Variants in REXO1 observed in about 807,000 individuals in gnomAD.
The protein encoded by REXO1 is REX1, RNA exonuclease 1 homolog.
Under a neutral mutation model 102.6 loss-of-function variants are expected in REXO1, and 42 were observed. The ratio of observed to expected loss-of-function variants is 0.41; its 90% confidence interval spans 0.32 to 0.53. REXO1 has a LOEUF of 0.53. Ranked by LOEUF, REXO1 falls within the 20% of genes least tolerant of loss-of-function variation. The probability of loss-of-function intolerance (pLI) is 0.27; values close to 1 mark genes in which losing one functional copy is unlikely to be tolerated. For synonymous variants in REXO1, 908 were observed against 779.1 expected (o/e 1.17, Z -2.76); for missense variants, 1,819 against 1,732.5 (o/e 1.05, Z -0.89).
intron 1 of REXO1, among the ~76,000 whole-genome samples, chr19:1,835,267 G>A (rs1382117829): frequency 6.6e-6 from 1 of 152,226 alleles, no homozygotes; most frequent in Non-Finnish European, 1.5e-5. Flanking sequence ...GTTTGGGCCA[G>A]GCGTGGTGGC....
intron 4 of REXO1, chr19:1,821,978 T>C: frequency 1.9e-6 from 1 of 539,710 alleles, no homozygotes. Context: ...GGCGTCGATG[T>C]CTGAGGGAAA....
intron 1 of REXO1, among the ~76,000 whole-genome samples, chr19:1,847,517 C>T (rs2011600046): frequency 1.3e-5 from 2 of 152,162 alleles, no homozygotes; most frequent in East Asian, 3.9e-4. Flanking sequence ...TCTTTTTCTC[C>T]AATCCAAATC....
chr19:1,844,147 C>A (rs1218984685), intron 1 of REXO1, among the ~76,000 whole-genome samples: 1 of 152,218 alleles, frequency 6.6e-6, no homozygotes, highest in Non-Finnish European at 1.5e-5. Context: ...CCCACAGAGG[C>A]TGGCAGCAAA....
rs536162208 is a variant in REXO1, at chr19:1,828,418, G to A, written c.371C>T (p.Ala124Val). Reference protein sequence around the residue: ...ETTREHRSAEAPALAPRGPNA... With the variant: ...ETTREHRSAEVPALAPRGPNA... Reference sequence around the variant, plus strand: ...GGGGCCGCGGGGCGCCAGGGCGGGGGCCTCGGCGGAGCGGTGCTCACGGGT... The same window carrying A: ...GGGGCCGCGGGGCGCCAGGGCGGGGACCTCGGCGGAGCGGTGCTCACGGGT... The change falls in exon 2 of 16, where the codon GCC becomes GTC. Residue 124 changes from alanine (A) to valine (V), a missense_variant. Coordinates refer to ENST00000170168, the MANE Select transcript of REXO1 (RefSeq NM_020695.4). 37 of 1,608,078 alleles carry A rather than the reference G, an allele frequency of 2.3e-5. No individual in the cohort carries two copies. Among genetic ancestry groups the A allele is most frequent in the Non-Finnish European group, 2.9e-5 (34 of 1,177,826 alleles).
At position 1,815,915 on chromosome 19, in the gene REXO1, G is replaced by A; in HGVS notation, c.*151C>T. The A allele has an allele frequency of 6.5e-7, 1 of 1,534,058 alleles. No individual in the cohort carries two copies. The highest frequency in any genetic ancestry group is 2.4e-5 in the East Asian group (1 of 40,862). On this transcript the variant is annotated 3_prime_UTR_variant, in exon 16 of 16. Coordinates refer to ENST00000170168, the MANE Select transcript of REXO1 (RefSeq NM_020695.4). This position sits in a 1 kb window ranked among gnomAD's most constrained non-coding sequence, Gnocchi z 4.0. ...GACGTGAGCGGGGGTGGGCTGGGCT[G>A]GGCGTTCTCTGGCCGCCAGCTCATC...
chr19:1,835,790 G>C (rs1057413988), intron 1 of REXO1, among the ~76,000 whole-genome samples: 3 of 152,102 alleles, frequency 2.0e-5, no homozygotes, highest in African/African-American at 7.2e-5. Context: ...CCCAAGGCCA[G>C]GACTGGGAGG....
rs945065193 is a variant in REXO1, at chr19:1,818,520, T to C, written c.2978A>G (p.Glu993Gly). The C allele has an allele frequency of 6.2e-7, 1 of 1,611,530 alleles. No homozygotes were observed. Among genetic ancestry groups the C allele is most frequent in the South Asian group, 1.1e-5 (1 of 90,798 alleles). The change falls in exon 10 of 16, where the codon GAG becomes GGG. Residue 993 changes from glutamate (E) to glycine (G), a missense_variant. Transcript: ENST00000170168. ...SSSGRCIRDE[E>G]CYYHWGRLRR... Reference sequence around the variant, plus strand: ...CAGCCGTCCCCAGTGGTAATAACACTCCTCGTCCCGGATGCAGCGGCCTGA... The same window carrying C: ...CAGCCGTCCCCAGTGGTAATAACACCCCTCGTCCCGGATGCAGCGGCCTGA...
chr19:1,844,986 C>A (rs926196333), intron 1 of REXO1, among the ~76,000 whole-genome samples: 3 of 152,164 alleles, frequency 2.0e-5, no homozygotes, highest in Non-Finnish European at 4.4e-5. Context: ...CTGCAATCCT[C>A]CCCGGAAGGG....
rs556720498 is a variant in REXO1, at chr19:1,846,519, C to T, written c.157+1683G>A. 5.4e-4 allele frequency among the ~76,000 whole-genome samples: 83 copies of T among 152,314 alleles called. 1 individual carries two copies. The South Asian group carries it at 0.017, about 31-fold the overall frequency. ...TAGGAACGGGGGGCAGACAGGAAGACGACATCACCAAAGGGACCCTCAAAA... is the reference window on the plus strand; with the variant it reads ...TAGGAACGGGGGGCAGACAGGAAGATGACATCACCAAAGGGACCCTCAAAA... On this transcript the variant is annotated intron_variant, in intron 1 of 15. Coordinates refer to ENST00000170168, the MANE Select transcript of REXO1 (RefSeq NM_020695.4).
At position 1,836,381 on chromosome 19, in the gene REXO1, G is replaced by A. The variant is rs530035586; in HGVS notation, c.158-7750C>T. 1.3e-3 allele frequency among the ~76,000 whole-genome samples: 199 copies of A among 152,224 alleles called. 1 individual carries two copies. The highest frequency in any genetic ancestry group is 4.1e-3 in the African/African-American group (169 of 41,536). On this transcript the variant is annotated intron_variant, in intron 1 of 15. Coordinates refer to ENST00000170168, the MANE Select transcript of REXO1 (RefSeq NM_020695.4). ...AGGACACCCAGTGCCAGCGAGAGCCGGCAGCTCCTAGCCCCACAAGGAGCC... is the reference window on the plus strand; with the variant it reads ...AGGACACCCAGTGCCAGCGAGAGCCAGCAGCTCCTAGCCCCACAAGGAGCC...
chr19:1,847,283 G>T (rs1260922728), intron 1 of REXO1, among the ~76,000 whole-genome samples: 1 of 152,182 alleles, frequency 6.6e-6, no homozygotes, highest in Non-Finnish European at 1.5e-5. Context: ...TTAAATCCTA[G>T]AGAAGATGTT....
At chr19:1,831,869 A>G (rs1256760768) in intron 1 of REXO1, among the ~76,000 whole-genome samples, 1 of 50,840 alleles carries the variant, frequency 2.0e-5, no homozygotes, top group African/African-American at 4.2e-5. Context: ...AAAAAAAAAG[A>G]AAGAAAAAGA....
At chr19:1,831,617 C>G (rs961396703) in intron 1 of REXO1, among the ~76,000 whole-genome samples, 4 of 151,374 alleles carry the variant, frequency 2.6e-5, no homozygotes, top group African/African-American at 2.4e-5. Flanking sequence ...CTGAGGCGGG[C>G]GGATCACCTG....
At chr19:1,841,508 C>T (rs377643458) in intron 1 of REXO1, among the ~76,000 whole-genome samples, 1 of 152,190 alleles carries the variant, frequency 6.6e-6, no homozygotes, top group Non-Finnish European at 1.5e-5. Context: ...TCGCAGAGGC[C>T]GAGGGAGGTT....
chr19:1,818,710 C>G lies in REXO1; in HGVS notation c.2898G>C (p.Lys966Asn), dbSNP rs374242884. 3 of 1,611,026 alleles carry G rather than the reference C, an allele frequency of 1.9e-6. No homozygotes were observed. Among genetic ancestry groups the G allele is most frequent in the Non-Finnish European group, 2.5e-6 (3 of 1,179,882 alleles). ...IIFTAEEKRPKDSSCRTCCRC... is the reference protein window; with the variant it reads ...IIFTAEEKRPNDSSCRTCCRC... Reference sequence around the variant, plus strand: ...CGTCGCAGGCCAGCGACTCACAGTCCTTGGGCCTCTTCTCCTCAGCTGTGA... The same window carrying G: ...CGTCGCAGGCCAGCGACTCACAGTCGTTGGGCCTCTTCTCCTCAGCTGTGA... Residue 966 changes from lysine (K) to asparagine (N), a missense_variant, in exon 9 of 16, where the codon AAG (lysine) becomes AAC (asparagine). Physicochemically the swap from Lys to Asn is moderately conservative, Grantham distance 94. Coordinates refer to ENST00000170168, the MANE Select transcript of REXO1 (RefSeq NM_020695.4).
rs1372839690 is a variant in REXO1, at chr19:1,827,285, C to CGTCTAG, written c.1498_1503dup (p.Leu500_Asp501dup). 6.4e-7 allele frequency: 1 copy of CGTCTAG among 1,563,932 alleles called. No homozygotes were observed. The highest frequency in any genetic ancestry group is 8.6e-7 in the Non-Finnish European group (1 of 1,161,612). ...TTGGGGGCGTCCTGGGAGGCGCCCT[C>CGTCTAG]GTCTAGTGAGCGGGCTTTCCGCTCC... On this transcript the variant is annotated inframe_insertion, in exon 2 of 16. Coordinates refer to ENST00000170168, the MANE Select transcript of REXO1 (RefSeq NM_020695.4).
In REXO1 at chr19:1,816,010, C is replaced by T; in HGVS notation, c.*56G>A. The T allele has an allele frequency of 6.5e-7, 1 of 1,538,010 alleles. No homozygotes were observed. Among genetic ancestry groups the T allele is most frequent in the Non-Finnish European group, 8.7e-7 (1 of 1,147,022 alleles). ...ATTTATTGCACTGTTTTGGAAGAGG[C>T]ATGGGGCTAAGGACCAGCGGGACGG... On this transcript the variant is annotated 3_prime_UTR_variant, in exon 16 of 16. Coordinates refer to ENST00000170168, the MANE Select transcript of REXO1 (RefSeq NM_020695.4).
intron 1 of REXO1, among the ~76,000 whole-genome samples, chr19:1,836,743 C>CAAAAA (rs1185957602): frequency 1.5e-5 from 1 of 64,592 alleles, no homozygotes; most frequent in African/African-American, 6.8e-5. Flanking sequence ...AAGACTGTCT[C>CAAAAA]AAAAAAAAAA....
intron 1 of REXO1, among the ~76,000 whole-genome samples, chr19:1,836,321 T>C (rs896063911): frequency 6.6e-6 from 1 of 152,096 alleles, no homozygotes; most frequent in Admixed American, 6.5e-5. Flanking sequence ...CCGTCCAAAC[T>C]CCTGTCTTCT....
Sources: gnomAD v4.1 joint callset for allele counts (sites outside exome capture counted in the v4.1 genomes callset) on GRCh38, gnomAD v4.1.1 for gene constraint, Gnocchi (gnomAD v3.1) non-coding constraint, MANE v1.5 for transcripts, NCBI Gene and HGNC (gene_info 2026-07-23, HGNC 2026-07-21) for gene names.